Variants in STIM2 observed in about 807,000 individuals in gnomAD.
STIM2 encodes the protein stromal interaction molecule 2.
A neutral mutation model predicts 85.8 loss-of-function variants in STIM2; 31 were observed. The observed-to-expected ratio is 0.36, with a 90% CI of 0.27 to 0.49. The LOEUF (loss-of-function observed/expected upper bound fraction) is 0.49. Ranked by LOEUF, STIM2 falls within the 20% of genes least tolerant of loss-of-function variation. The pLI is 0.98. For synonymous variants in STIM2, 356 were observed against 331.1 expected, an observed-to-expected ratio of 1.08 and a Z score of -0.82; for missense variants, 841 against 927.6, an observed-to-expected ratio of 0.91 and a Z score of 1.21.
At chr4:26,889,749 A>G (rs1465000763) in intron 1 of STIM2, among the ~76,000 whole-genome samples, 2 of 152,172 alleles carry the variant, frequency 1.3e-5, no homozygotes, top group Non-Finnish European at 1.5e-5. Flanking sequence ...CTCTTCGTTC[A>G]TGACAGAAGT....
chr4:26,969,186 T>A (rs964053122), intron 3 of STIM2, among the ~76,000 whole-genome samples: 2 of 152,220 alleles, frequency 1.3e-5, no homozygotes, highest in African/African-American at 4.8e-5. Flanking sequence ...AATTTTTAAA[T>A]CCTTCTTAGA....
rs755526664 is a variant in STIM2 at position 27,007,590 on chromosome 4, G to C, written c.1039G>C (p.Val347Leu). The change falls in exon 8 of 12, where the codon GTT (valine) becomes CTT (leucine). Residue 347 changes from valine (V) to leucine (L), a missense_variant. Physicochemically the swap from Val to Leu is conservative, Grantham distance 32. This residue lies in a region of STIM2 where 408 missense variants were observed against 525.4 expected (regional missense o/e 0.78). Transcript: ENST00000467087. ...ATTTGAACTGAGAAGCAGTTGGTCT[G>C]TTCCAGATGCACTTCAGAAATGGCT... The C allele has an allele frequency of 6.2e-7, 1 of 1,607,060 alleles. No homozygotes were observed. The highest frequency in any genetic ancestry group is 8.5e-7 in the Non-Finnish European group (1 of 1,177,286).
chr4:26,936,470 T>A (rs1282100294), intron 2 of STIM2, among the ~76,000 whole-genome samples: 1 of 152,218 alleles, frequency 6.6e-6, no homozygotes, highest in East Asian at 1.9e-4. Flanking sequence ...GACTATCTAA[T>A]CTCTATGCTT....
chr4:26,954,523 CAAAT>C (rs2109091228), intron 2 of STIM2, among the ~76,000 whole-genome samples: 1 of 148,490 alleles, frequency 6.7e-6, no homozygotes, highest in East Asian at 1.9e-4. Context: ...TGTCTTTTGA[CAAAT>C]GAATACAAAG....
intron 3 of STIM2, among the ~76,000 whole-genome samples, chr4:26,960,675 G>T (rs1726418027): frequency 6.6e-6 from 1 of 152,052 alleles, no homozygotes; most frequent in Non-Finnish European, 1.5e-5. Context: ...TAAAATTTTG[G>T]ACTTAAAAAT....
intron 3 of STIM2, among the ~76,000 whole-genome samples, chr4:26,974,061 G>A (rs1727083422): frequency 6.6e-6 from 1 of 152,106 alleles, no homozygotes; most frequent in Admixed American, 6.5e-5. Context: ...TGCAACTGCT[G>A]CTTTTTTTTG....
chr4:26,999,104 G>A, intron 4 of STIM2, 128 bp from the exon 5 acceptor site: 1 of 325,708 alleles, frequency 3.1e-6, no homozygotes, highest in Middle Eastern at 9.6e-4. Context: ...ACACATGGAT[G>A]AGCTCCAACA....
In STIM2 at chr4:26,977,201, A is replaced by G. The variant is rs192673813; in HGVS notation, c.398-18178A>G. On this transcript the variant is annotated intron_variant, in intron 3 of 11. Transcript: ENST00000467087. ...CCAGCCACACCAAGGCTTACGGCTG[A>G]CACAACCTTAAAGTGTTTAGGAAAC... is the stretch of plus-strand genomic sequence containing the variant. 2.7e-3 allele frequency among the ~76,000 whole-genome samples: 411 copies of G among 152,268 alleles called. 15 individuals are homozygous for G. Among genetic ancestry groups the G allele is most frequent in the Admixed American group, 0.023 (355 of 15,296 alleles).
At chr4:26,866,314 T>C (rs1193254372) in intron 1 of STIM2, among the ~76,000 whole-genome samples, 1 of 152,200 alleles carries the variant, frequency 6.6e-6, no homozygotes, top group African/African-American at 2.4e-5. Flanking sequence ...AGTTAGAGGT[T>C]GACCAGGGTT....
intron 1 of STIM2, among the ~76,000 whole-genome samples, chr4:26,881,301 AC>A (rs1317605914): frequency 6.6e-6 from 1 of 152,072 alleles, no homozygotes; most frequent in East Asian, 1.9e-4. Context: ...CCCCGTCTTT[AC>A]TAAAAATACA....
In STIM2 at chr4:26,955,799, T is replaced by C. The variant is rs1009911301; in HGVS notation, c.283-1813T>C. Among the ~76,000 whole-genome samples, 18 of 151,856 alleles carry C rather than the reference T, an allele frequency of 1.2e-4. 3 individuals are homozygous for C. The highest frequency in any genetic ancestry group is 4.4e-4 in the African/African-American group (18 of 41,246). On this transcript the variant is annotated intron_variant, in intron 2 of 11. Transcript: ENST00000467087. ...CATATTTATCATATGCTCGGCCCAG[T>C]TGCTGTGGAAGTGTTTTCTAATTGC...
In STIM2 at chr4:26,973,852, A is replaced by G. The variant is rs536510490; in HGVS notation, c.397+16126A>G. ...TGACAGTGGGTTGTTAAAGTCTTCC[A>G]TTATTATTGTGTGGGAGTCTAAGTC... On this transcript the variant is annotated intron_variant, in intron 3 of 11. Transcript: ENST00000467087. Among the ~76,000 whole-genome samples the G allele has an allele frequency of 8.5e-5, 13 of 152,238 alleles. No individual in the cohort carries two copies. The East Asian group carries it at 2.1e-3, about 25-fold the overall frequency.
intron 1 of STIM2, among the ~76,000 whole-genome samples, chr4:26,901,310 T>A (rs1391862964): frequency 1.3e-5 from 2 of 152,182 alleles, no homozygotes; most frequent in African/African-American, 2.4e-5. Context: ...GAATAAAAAA[T>A]TTCTAGGAAC....
chr4:27,006,988 A>T (rs561748936), intron 7 of STIM2, among the ~76,000 whole-genome samples: 2 of 152,354 alleles, frequency 1.3e-5, no homozygotes, highest in South Asian at 2.1e-4. Context: ...ATGAAAAACT[A>T]CAGAAAAATA....
chr4:26,913,922 A>C (rs972228847), intron 1 of STIM2, among the ~76,000 whole-genome samples: 4 of 152,158 alleles, frequency 2.6e-5, no homozygotes, highest in Non-Finnish European at 4.4e-5. Context: ...CCCTGTGATA[A>C]AGTGCTGTGA....
chr4:26,929,161 G>T (rs1035212540), intron 2 of STIM2, among the ~76,000 whole-genome samples: 1 of 151,950 alleles, frequency 6.6e-6, no homozygotes, highest in Non-Finnish European at 1.5e-5. Context: ...AGACATATTG[G>T]GTTACATGAA....
At chr4:27,010,304 C>T (rs896786573) in intron 10 of STIM2, among the ~76,000 whole-genome samples, 12 of 151,848 alleles carry the variant, frequency 7.9e-5, no homozygotes, top group African/African-American at 1.7e-4. Flanking sequence ...ATTAGCTGGG[C>T]GTGGTGGTGT....
In STIM2 at chr4:26,865,455, G is replaced by T. The variant is rs370078890; in HGVS notation, c.151+4086G>T. Among the ~76,000 whole-genome samples, 18 of 152,206 alleles carry T rather than the reference G, an allele frequency of 1.2e-4. No individual in the cohort carries two copies. In the South Asian group the frequency reaches 3.7e-3, roughly 32 times the overall value. ...AGGAGGACACAGGATGATTTAGCTT[G>T]CCAAAGACTTGCTTTGTGGCTGGAT... On this transcript the variant is annotated intron_variant, in intron 1 of 11. Coordinates refer to ENST00000467087, the MANE Select transcript of STIM2 (RefSeq NM_020860.4).
chr4:26,900,393 A>G (rs1341405391), intron 1 of STIM2, among the ~76,000 whole-genome samples: 1 of 152,146 alleles, frequency 6.6e-6, no homozygotes, highest in Non-Finnish European at 1.5e-5. Flanking sequence ...GAATTTTAAG[A>G]CTTTAGTTTC....
Sources: gnomAD v4.1 joint callset for allele counts (sites outside exome capture counted in the v4.1 genomes callset) on GRCh38, gnomAD v4.1.1 for gene constraint, gnomAD v4.1.1 regional missense constraint, MANE v1.5 for transcripts, NCBI Gene and HGNC (gene_info 2026-07-23, HGNC 2026-07-21) for gene names.